Variants in SLIT2 observed in about 807,000 individuals in gnomAD.
The protein encoded by SLIT2 is slit guidance ligand 2, also known as slit homolog 2 protein.
SLIT2 carries 41 observed loss-of-function variants against 185.7 expected under a neutral mutation model. That is an observed-to-expected ratio of 0.22 (90% CI 0.17 to 0.29). The LOEUF is 0.29. Ranked by LOEUF, SLIT2 falls within the 10% of genes least tolerant of loss-of-function variation. The pLI is 1.00. For missense variants in SLIT2, 1,571 were observed against 1,909.0 expected (o/e 0.82, Z 3.30); for synonymous variants, 693 against 680.2 (o/e 1.02, Z -0.29).
At position 20,254,405 on chromosome 4, in the gene SLIT2, C is replaced by G. The variant is rs1215641123; in HGVS notation, c.179+411C>G. 6.6e-6 allele frequency among the ~76,000 whole-genome samples: 1 copy of G among 152,186 alleles called. No homozygotes were observed. The highest frequency in any genetic ancestry group is 1.5e-5 in the Non-Finnish European group (1 of 68,044). Reference sequence around the variant, plus strand: ...TCGGTTTCAGAGCCCAGTCCTCGCTCTTGTCGCAGGCTGGCGCGGAGGGGA... The same window carrying G: ...TCGGTTTCAGAGCCCAGTCCTCGCTGTTGTCGCAGGCTGGCGCGGAGGGGA... On this transcript the variant is annotated intron_variant, in intron 1 of 36. Transcript: ENST00000504154. The surrounding 1 kb of genome is among the most constrained non-coding windows in gnomAD (Gnocchi z 5.1).
chr4:20,359,146 C>T (rs1722555436), intron 4 of SLIT2, among the ~76,000 whole-genome samples: 1 of 152,044 alleles, frequency 6.6e-6, no homozygotes, highest in African/African-American at 2.4e-5. Context: ...TTATAGTCCA[C>T]TATGGCAATT....
intron 26 of SLIT2, among the ~76,000 whole-genome samples, chr4:20,566,423 G>A (rs940151251): frequency 1.4e-4 from 22 of 152,042 alleles, no homozygotes; most frequent in African/African-American, 5.3e-4. Context: ...TACTTTTATT[G>A]AGGACAGTAC....
chr4:20,540,060 A>G (rs1722666932), intron 19 of SLIT2, among the ~76,000 whole-genome samples: 1 of 33,338 alleles, frequency 3.0e-5, no homozygotes, highest in African/African-American at 3.5e-4. Flanking sequence ...CGGGCGGATT[A>G]CTTGATCAAG....
intron 34 of SLIT2, among the ~76,000 whole-genome samples, chr4:20,611,554 C>T (rs138870705): frequency 1.7e-3 from 254 of 152,280 alleles, no homozygotes; most frequent in African/African-American, 5.8e-3. Flanking sequence ...AGCAAGTTGA[C>T]TTATCTGATT....
chr4:20,363,355 G>A (rs1204146513), intron 4 of SLIT2, among the ~76,000 whole-genome samples: 1 of 152,082 alleles, frequency 6.6e-6, no homozygotes, highest in African/African-American at 2.4e-5. Context: ...ATAAACTATA[G>A]TAGTGTTTCT....
chr4:20,462,177 C>T (rs546617871), intron 4 of SLIT2, among the ~76,000 whole-genome samples: 13 of 152,212 alleles, frequency 8.5e-5, no homozygotes, highest in South Asian at 6.2e-4. Flanking sequence ...TTACATTCAC[C>T]GTTCTTCATA....
At chr4:20,520,277 G>T (rs1288963873) in intron 12 of SLIT2, among the ~76,000 whole-genome samples, 2 of 152,012 alleles carry the variant, frequency 1.3e-5, no homozygotes, top group African/African-American at 4.8e-5. Flanking sequence ...ATACATATTT[G>T]CAAAAAGGAG....
intron 9 of SLIT2, among the ~76,000 whole-genome samples, chr4:20,497,416 G>C (rs925353640): frequency 2.0e-5 from 3 of 152,078 alleles, no homozygotes; most frequent in Non-Finnish European, 4.4e-5. Flanking sequence ...GCTTGGTCTT[G>C]TTGGAATGTC....
At chr4:20,329,385 ATAACTT>A (rs1370791486) in intron 4 of SLIT2, among the ~76,000 whole-genome samples, 2 of 152,014 alleles carry the variant, frequency 1.3e-5, no homozygotes, top group African/African-American at 4.8e-5. Flanking sequence ...TCATGTTAGA[ATAACTT>A]TAATTTTTAT....
chr4:20,401,107 C>T (rs929888969), intron 4 of SLIT2, among the ~76,000 whole-genome samples: 1 of 151,792 alleles, frequency 6.6e-6, no homozygotes, highest in African/African-American at 2.4e-5. Context: ...CATCATTATT[C>T]TCATCCATCA....
chr4:20,257,345 T>G (rs1177483690), intron 2 of SLIT2, among the ~76,000 whole-genome samples: 1 of 152,060 alleles, frequency 6.6e-6, no homozygotes, highest in Non-Finnish European at 1.5e-5. Flanking sequence ...AATGTAATGT[T>G]AAATTGTTCT....
intron 15 of SLIT2, among the ~76,000 whole-genome samples, chr4:20,525,489 G>A (rs1021359034): frequency 6.6e-6 from 1 of 151,992 alleles, no homozygotes; most frequent in Non-Finnish European, 1.5e-5. Flanking sequence ...TCCTTACATT[G>A]TATATCTGAT....
At chr4:20,561,273 A>G (rs1223689148) in intron 26 of SLIT2, among the ~76,000 whole-genome samples, 1 of 151,810 alleles carries the variant, frequency 6.6e-6, no homozygotes, top group East Asian at 1.9e-4. Flanking sequence ...GATAATCAAC[A>G]TTTAGCATGC....
chr4:20,327,720 T>C (rs1462478102), intron 4 of SLIT2, among the ~76,000 whole-genome samples: 1 of 151,990 alleles, frequency 6.6e-6, no homozygotes, highest in Non-Finnish European at 1.5e-5. Flanking sequence ...ATAGATATAT[T>C]TTATACTTAC....
intron 4 of SLIT2, among the ~76,000 whole-genome samples, chr4:20,360,571 G>A (rs1405817009): frequency 6.6e-6 from 1 of 152,030 alleles, no homozygotes; most frequent in East Asian, 1.9e-4. Context: ...TGACTCAATA[G>A]TAGAAAAATA....
At chr4:20,315,398 A>G (rs560295950) in intron 4 of SLIT2, among the ~76,000 whole-genome samples, 2 of 152,268 alleles carry the variant, frequency 1.3e-5, no homozygotes, top group African/African-American at 4.8e-5. Context: ...ATTGACGTAG[A>G]TGATAGATAT....
At chr4:20,472,457 T>G (rs1228674303) in intron 5 of SLIT2, among the ~76,000 whole-genome samples, 2 of 60,080 alleles carry the variant, frequency 3.3e-5, no homozygotes, top group Non-Finnish European at 5.9e-5. Context: ...TATATAGATA[T>G]ATCTATATCT....
chr4:20,322,394 C>T (rs73234446), intron 4 of SLIT2, among the ~76,000 whole-genome samples: 2 of 152,156 alleles, frequency 1.3e-5, no homozygotes, highest in East Asian at 1.9e-4. Flanking sequence ...AGGGACAACT[C>T]GAAGTGGGGA....
intron 29 of SLIT2, among the ~76,000 whole-genome samples, chr4:20,578,618 G>A (rs1341692472): frequency 6.6e-6 from 1 of 152,164 alleles, no homozygotes. Flanking sequence ...AATGGACTCA[G>A]ATTTTTATCT....
Sources: allele counts gnomAD v4.1 joint callset (sites outside exome capture counted in the v4.1 genomes callset), GRCh38; gene constraint gnomAD v4.1.1; non-coding constraint Gnocchi (gnomAD v3.1); transcripts MANE v1.5; gene names NCBI Gene and HGNC (gene_info 2026-07-23, HGNC 2026-07-21).